ACVR1: variants seen among roughly 807,000 people sequenced by gnomAD.
The protein encoded by ACVR1 is activin receptor type-1.
In ACVR1, 38 loss-of-function variants were observed where a neutral mutation model predicts 57.1. The observed-to-expected ratio is 0.67, with a 90% CI of 0.51 to 0.87. ACVR1 has a LOEUF of 0.87. ACVR1 is among the 40% of genes least tolerant of loss of function. The pLI is 0.00. For missense variants in ACVR1, 463 were observed against 638.2 expected (o/e 0.73, Z 2.96); for synonymous variants, 212 against 228.1 (o/e 0.93, Z 0.63).
At chr2:157,788,715 G>C (rs537138470) in intron 3 of ACVR1, among the ~76,000 whole-genome samples, 1 of 152,086 alleles carries the variant, frequency 6.6e-6, no homozygotes, top group African/African-American at 2.4e-5. Flanking sequence ...TCCACCGGGG[G>C]TCTTGGAATG....
chr2:157,794,725 G>A (rs1440412837), intron 3 of ACVR1, among the ~76,000 whole-genome samples: 2 of 152,076 alleles, frequency 1.3e-5, no homozygotes, highest in Non-Finnish European at 1.5e-5. Context: ...AATATCTGGT[G>A]CATTTTAAGC....
At chr2:157,784,572 C>T (rs1686643244) in intron 3 of ACVR1, among the ~76,000 whole-genome samples, 1 of 152,254 alleles carries the variant, frequency 6.6e-6, no homozygotes, top group Admixed American at 6.5e-5. Flanking sequence ...AGTGTTATGG[C>T]TGGCACTGCG....
chr2:157,836,843 ACAACAC>A (rs1180992069), intron 1 of ACVR1, among the ~76,000 whole-genome samples: 1 of 152,162 alleles, frequency 6.6e-6, no homozygotes, highest in Non-Finnish European at 1.5e-5. Flanking sequence ...CCCTTACCCC[ACAACAC>A]CAGCATTCTG....
chr2:157,781,666 G>A (rs1197677476), intron 3 of ACVR1, among the ~76,000 whole-genome samples: 1 of 152,206 alleles, frequency 6.6e-6, no homozygotes, highest in Non-Finnish European at 1.5e-5. Context: ...GAAAGAGGCA[G>A]AAACGGATGA....
intron 1 of ACVR1, among the ~76,000 whole-genome samples, chr2:157,839,649 G>C (rs1208173830): frequency 6.6e-6 from 1 of 152,096 alleles, no homozygotes; most frequent in Non-Finnish European, 1.5e-5. Context: ...CAACTACCAG[G>C]CATGGCATCC....
chr2:157,743,548 C>G (rs1260106114), intron 9 of ACVR1, among the ~76,000 whole-genome samples: 5 of 151,806 alleles, frequency 3.3e-5, no homozygotes, highest in Non-Finnish European at 7.4e-5. Flanking sequence ...TCAAAACTCT[C>G]AAGGTTAGAT....
chr2:157,739,924 C>A (rs1414546414), intron 9 of ACVR1, among the ~76,000 whole-genome samples: 7 of 152,086 alleles, frequency 4.6e-5, no homozygotes, highest in Non-Finnish European at 8.8e-5. Flanking sequence ...GTCGTTCACG[C>A]CTGTAATCTC....
chr2:157,833,695 G>GTT, intron 1 of ACVR1, among the ~76,000 whole-genome samples: 2 of 141,888 alleles, frequency 1.4e-5, no homozygotes, highest in African/African-American at 5.1e-5. Flanking sequence ...ACCTGATTTT[G>GTT]TTTTTTTTTT....
At chr2:157,738,618 T>C in intron 9 of ACVR1, 48 bp from the exon 10 acceptor site, 1 of 1,613,680 alleles carries the variant, frequency 6.2e-7, no homozygotes, top group Non-Finnish European at 8.5e-7. Flanking sequence ...AGAGTACAGG[T>C]TGCCCCAAGG....
At chr2:157,775,946 A>G (rs963027884) in intron 5 of ACVR1, among the ~76,000 whole-genome samples, 1 of 152,092 alleles carries the variant, frequency 6.6e-6, no homozygotes, top group African/African-American at 2.4e-5. Flanking sequence ...CTGGTCTCTA[A>G]CCCCTGGTCT....
chr2:157,778,159 G>A lies in ACVR1; in HGVS notation c.515C>T (p.Thr172Ile). ...VEYGTIEGLI[T>I]TNVGDSTLAD... ...TAAAGTGCTGTCTCCAACATTGGTG[G>A]TGATGAGCCCTTCGATAGTGCCATA... Residue 172 changes from threonine to isoleucine, a missense_variant, in exon 5 of 11, where the codon ACC (threonine) becomes ATC (isoleucine). Physicochemically the swap from Thr to Ile is moderately conservative, Grantham distance 89. Around this residue, in one of 3 missense-constraint regions of ACVR1, gnomAD observed 203 missense variants for 235.5 expected, o/e 0.86. Transcript: ENST00000434821. 1 of 1,613,756 alleles carries A rather than the reference G, an allele frequency of 6.2e-7. No homozygotes were observed. The highest frequency in any genetic ancestry group is 8.5e-7 in the Non-Finnish European group (1 of 1,179,862).
intron 5 of ACVR1, 151 bp from the exon 6 acceptor site, chr2:157,774,338 GGAA>G: frequency 2.9e-6 from 2 of 701,246 alleles, no homozygotes; most frequent in South Asian, 1.5e-5. Context: ...TCTGGAAGAA[GGAA>G]GAAGGACTGG....
At chr2:157,818,691 T>A (rs981260163) in intron 1 of ACVR1, 132 bp from the exon 2 acceptor site, 3 of 152,238 alleles carry the variant, frequency 2.0e-5, no homozygotes, top group East Asian at 3.8e-4. Flanking sequence ...GATCTACAAG[T>A]GCAGCAAGTA....
chr2:157,744,018 T>C (rs540487241), intron 9 of ACVR1, among the ~76,000 whole-genome samples: 1 of 152,346 alleles, frequency 6.6e-6, no homozygotes, highest in East Asian at 1.9e-4. Flanking sequence ...AAAGTTAAAC[T>C]AGAATCCAAT....
At chr2:157,826,663 A>G (rs1285848564) in intron 1 of ACVR1, 1 of 148,652 alleles carries the variant, frequency 6.7e-6, no homozygotes. Context: ...AAAAAAAAAA[A>G]AAAGAAACAA....
At chr2:157,875,592 A>G (rs1690261162) in intron 1 of ACVR1, 1 of 113,594 alleles carries the variant, frequency 8.8e-6, no homozygotes. Context: ...CCAGCAGTTC[A>G]GGCCCAAAGC....
chr2:157,744,814 T>C (rs1240634068), intron 9 of ACVR1, among the ~76,000 whole-genome samples: 1 of 152,364 alleles, frequency 6.6e-6, no homozygotes, highest in South Asian at 2.1e-4. Context: ...AGGCTGTTCA[T>C]GGCAGAGGGG....
chr2:157,808,841 C>A (rs1181063758), intron 2 of ACVR1, among the ~76,000 whole-genome samples: 2 of 148,900 alleles, frequency 1.3e-5, no homozygotes, highest in Non-Finnish European at 3.0e-5. Context: ...CTGATGGAAG[C>A]CAAAGACTTG....
chr2:157,763,448 G>C (rs1559042943), intron 8 of ACVR1, among the ~76,000 whole-genome samples: 1 of 152,214 alleles, frequency 6.6e-6, no homozygotes, highest in Non-Finnish European at 1.5e-5. Flanking sequence ...ACGAGGCACA[G>C]TGGCTCACAT....
Sources: gnomAD v4.1 joint callset for allele counts (sites outside exome capture counted in the v4.1 genomes callset) on GRCh38, gnomAD v4.1.1 for gene constraint, gnomAD v4.1.1 regional missense constraint, MANE v1.5 for transcripts, NCBI Gene and HGNC (gene_info 2026-07-23, HGNC 2026-07-21) for gene names.